The following CEP128 variants were observed in gnomAD, a reference collection of about 807,000 sequenced individuals.
CEP128 encodes centrosomal protein 128kDa.
In CEP128, 132 loss-of-function variants were observed where a neutral mutation model predicts 156.7. The ratio of observed to expected loss-of-function variants is 0.84; its 90% CI spans 0.73 to 0.97. The LOEUF is 0.97. Among genes scored for constraint, CEP128 ranks in the 50% least tolerant of loss-of-function variants. CEP128 has a pLI of 0.00. For synonymous variants in CEP128, 469 were observed against 448.9 expected (o/e 1.04, Z -0.57); for missense variants, 1,252 against 1,281.9 (o/e 0.98, Z 0.36).
chr14:80,519,552 G>A (rs1239456524), intron 23 of CEP128, among the ~76,000 whole-genome samples: 1 of 152,140 alleles, frequency 6.6e-6, no homozygotes, highest in Non-Finnish European at 1.5e-5. Context: ...ATAATGCACT[G>A]TCCTTCCATT....
intron 3 of CEP128, among the ~76,000 whole-genome samples, chr14:80,916,147 C>G (rs950661626): frequency 5.9e-5 from 9 of 152,172 alleles, no homozygotes; most frequent in African/African-American, 1.9e-4. Context: ...CTCTAGAAAC[C>G]AGAGAAGGCA....
chr14:80,631,656 A>G (rs1196523386), intron 19 of CEP128, among the ~76,000 whole-genome samples: 1 of 152,050 alleles, frequency 6.6e-6, no homozygotes, highest in African/African-American at 2.4e-5. Flanking sequence ...AGCAATTTGT[A>G]TTTTCTCTTG....
chr14:80,634,955 T>C (rs138374127), intron 19 of CEP128, among the ~76,000 whole-genome samples: 9 of 152,332 alleles, frequency 5.9e-5, no homozygotes, highest in African/African-American at 2.2e-4. Context: ...TCAGTGTGCG[T>C]TCACCATAAT....
chr14:80,883,129 G>A (rs1888629414), intron 8 of CEP128, among the ~76,000 whole-genome samples: 1 of 152,014 alleles, frequency 6.6e-6, no homozygotes, highest in African/African-American at 2.4e-5. Flanking sequence ...ATTACACATT[G>A]CATGCCTATA....
At chr14:80,567,631 A>G (rs8013740) in intron 20 of CEP128, among the ~76,000 whole-genome samples, 24,307 of 152,192 alleles carry the variant, frequency 0.16, 2,212 homozygotes, top group East Asian at 0.19. Flanking sequence ...GGTGTGTGCT[A>G]CAGAATATCA....
intron 19 of CEP128, among the ~76,000 whole-genome samples, chr14:80,699,982 G>A (rs1897018361): frequency 6.6e-6 from 1 of 152,154 alleles, no homozygotes; most frequent in Non-Finnish European, 1.5e-5. Flanking sequence ...TAGTACTACA[G>A]GGACAGGTAG....
intron 8 of CEP128, among the ~76,000 whole-genome samples, chr14:80,879,475 G>C (rs758154953): frequency 9.2e-5 from 14 of 152,002 alleles, no homozygotes; most frequent in Non-Finnish European, 2.1e-4. Context: ...ATCTGAATGA[G>C]AAATTCAGCA....
chr14:80,717,853 T>C (rs1000999947), intron 19 of CEP128, among the ~76,000 whole-genome samples: 2 of 152,278 alleles, frequency 1.3e-5, no homozygotes, highest in South Asian at 2.1e-4. Context: ...CTCACTTTAT[T>C]GCCCAGGCTG....
At chr14:80,621,123 C>T (rs1349000179) in intron 19 of CEP128, among the ~76,000 whole-genome samples, 5 of 152,066 alleles carry the variant, frequency 3.3e-5, no homozygotes, top group South Asian at 4.1e-4. Context: ...ATCTGAGTGG[C>T]GCATATATGA....
intron 20 of CEP128, among the ~76,000 whole-genome samples, chr14:80,576,346 C>G (rs961774764): frequency 1.3e-5 from 2 of 152,274 alleles, no homozygotes; most frequent in Admixed American, 1.3e-4. Flanking sequence ...TACTGCACTA[C>G]ACATTTATAG....
In CEP128 at chr14:80,520,441, C is replaced by CAAAAAA. The variant is rs35203701; in HGVS notation, c.3072+6422_3072+6427dup. ...CTAAAAAAACAAACAAACAAACAAA[C>CAAAAAA]AAAAAACAACATTCATTTACCCTAT... is the stretch of plus-strand genomic sequence containing the variant. On this transcript the variant is annotated intron_variant, in intron 23 of 24. Transcript: ENST00000555265. Among the ~76,000 whole-genome samples the CAAAAAA allele has an allele frequency of 1.3e-4, 19 of 151,228 alleles. No individual in the cohort carries two copies. In the South Asian group the frequency reaches 3.3e-3, roughly 27 times the overall value.
intron 19 of CEP128, among the ~76,000 whole-genome samples, chr14:80,584,302 C>A (rs142399695): frequency 4.0e-5 from 6 of 151,858 alleles, no homozygotes; most frequent in Non-Finnish European, 8.8e-5. Context: ...CCAGCCAGCA[C>A]GCCTGGCTAC....
intron 21 of CEP128, among the ~76,000 whole-genome samples, chr14:80,553,407 C>T (rs960755568): frequency 2.0e-5 from 3 of 152,140 alleles, no homozygotes; most frequent in Admixed American, 2.0e-4. Flanking sequence ...AAAGTTCATC[C>T]TTACTCCACT....
chr14:80,584,141 A>C (rs965644865), intron 19 of CEP128, among the ~76,000 whole-genome samples: 2 of 117,370 alleles, frequency 1.7e-5, no homozygotes, highest in Non-Finnish European at 3.4e-5. Flanking sequence ...CGTCCGTGAC[A>C]TTTTTTTTTT....
chr14:80,729,080 T>TGTGC (rs1898152791), intron 19 of CEP128, among the ~76,000 whole-genome samples: 1 of 65,162 alleles, frequency 1.5e-5, no homozygotes, highest in Non-Finnish European at 4.8e-5. Context: ...TGTGTGTGTG[T>TGTGC]GTGTGTGTGT....
chr14:80,876,047 G>A (rs1031557148), intron 8 of CEP128, among the ~76,000 whole-genome samples: 2 of 152,040 alleles, frequency 1.3e-5, no homozygotes, highest in African/African-American at 4.8e-5. Context: ...AAAACTGACA[G>A]AAATGAGCAT....
chr14:80,784,783 T>G, intron 15 of CEP128, 112 bp downstream of exon 15: 4 of 960,534 alleles, frequency 4.2e-6, no homozygotes, highest in Non-Finnish European at 6.2e-6. Flanking sequence ...GGTTTTATCT[T>G]CCCTTCAGTG....
At chr14:80,893,765 T>C (rs1889217268) in intron 8 of CEP128, among the ~76,000 whole-genome samples, 1 of 151,970 alleles carries the variant, frequency 6.6e-6, no homozygotes, top group Admixed American at 6.6e-5. Flanking sequence ...ACTCTATCCC[T>C]ATCACAACTA....
downstream of CEP128, among the ~76,000 whole-genome samples, chr14:80,491,683 C>T (rs1010506936): frequency 2.0e-5 from 3 of 152,106 alleles, no homozygotes; most frequent in African/African-American, 7.2e-5. Flanking sequence ...ATCAGAAAGC[C>T]GATCACTCTG....
Sources: gnomAD v4.1 joint callset for allele counts (sites outside exome capture counted in the v4.1 genomes callset) on GRCh38, gnomAD v4.1.1 for gene constraint, MANE v1.5 for transcripts, NCBI Gene and HGNC (gene_info 2026-07-23, HGNC 2026-07-21) for gene names.